Variants in EPB41 observed in about 807,000 individuals in gnomAD.
EPB41 encodes the protein protein 4.1.
In EPB41, 65 loss-of-function variants were observed where a neutral mutation model predicts 108.0. That is an observed-to-expected ratio of 0.60 (90% CI 0.49 to 0.74). EPB41 has a LOEUF of 0.74. Among genes scored for constraint, EPB41 ranks in the 30% least tolerant of loss-of-function variants. The pLI is 0.00. For synonymous variants in EPB41, 336 were observed against 358.9 expected (o/e 0.94, Z 0.72); for missense variants, 875 against 1,037.0 (o/e 0.84, Z 2.15).
chr1:29,101,763 G>A (rs2486197), intron 17 of EPB41, among the ~76,000 whole-genome samples: 144,201 of 152,254 alleles, frequency 0.95, 68,479 homozygotes, highest in Non-Finnish European at 0.99. Context: ...TGAGCCAGGC[G>A]TGGTGGACGC....
chr1:29,011,587 A>G (rs1366967933), intron 4 of EPB41, among the ~76,000 whole-genome samples: 1 of 152,220 alleles, frequency 6.6e-6, no homozygotes, highest in Admixed American at 6.5e-5. Context: ...AGTAGGCACT[A>G]CTACCAATAT....
At chr1:28,998,897 T>C (rs2096241569) in intron 4 of EPB41, among the ~76,000 whole-genome samples, 1 of 152,238 alleles carries the variant, frequency 6.6e-6, no homozygotes, top group Non-Finnish European at 1.5e-5. Context: ...AATCATAACA[T>C]CACTTTCTGC....
chr1:28,904,031 T>C (rs1453495944), intron 1 of EPB41, among the ~76,000 whole-genome samples: 1 of 151,936 alleles, frequency 6.6e-6, no homozygotes, highest in Non-Finnish European at 1.5e-5. Flanking sequence ...TGCACCCGGC[T>C]GATTTTTGTA....
chr1:29,066,102 G>T (rs1488820281), intron 16 of EPB41, among the ~76,000 whole-genome samples: 1 of 151,694 alleles, frequency 6.6e-6, no homozygotes, highest in Non-Finnish European at 1.5e-5. Context: ...TTCTTTTTCT[G>T]TTATTGTCAT....
chr1:29,064,833 T>TGTATATTTATAATCTGAATGCA, intron 15 of EPB41, 149 bp from the exon 16 acceptor site: 1 of 968,292 alleles, frequency 1.0e-6, no homozygotes. Flanking sequence ...TATACCATGT[T>TGTATATTTATAATCTGAATGCA]GTATATTTAT....
chr1:28,891,081 G>A, intron 1 of EPB41: 3 of 770,438 alleles, frequency 3.9e-6, no homozygotes, highest in Non-Finnish European at 4.7e-6. Context: ...TTTCCCCAGA[G>A]GGGCAGCCCC....
chr1:28,996,421 ATACCT>A (rs1448560815), intron 3 of EPB41, among the ~76,000 whole-genome samples: 1 of 152,246 alleles, frequency 6.6e-6, no homozygotes, highest in East Asian at 1.9e-4. Flanking sequence ...GAGTTGAGGC[ATACCT>A]CATTTTCTTT....
chr1:28,977,650 A>G (rs1428198726), intron 1 of EPB41, among the ~76,000 whole-genome samples: 2 of 152,152 alleles, frequency 1.3e-5, no homozygotes, highest in African/African-American at 4.8e-5. Context: ...CCAGAATGAA[A>G]ATAGTGTCAT....
intron 16 of EPB41, among the ~76,000 whole-genome samples, chr1:29,079,889 C>A (rs1367474818): frequency 6.6e-6 from 1 of 151,538 alleles, no homozygotes; most frequent in Non-Finnish European, 1.5e-5. Flanking sequence ...TCCAGCTACT[C>A]GGGAGGCTGA....
chr1:29,020,187 C>G (rs1199096066), intron 7 of EPB41, among the ~76,000 whole-genome samples: 2 of 151,966 alleles, frequency 1.3e-5, no homozygotes, highest in Non-Finnish European at 1.5e-5. Flanking sequence ...TCTGCCTCAG[C>G]CTCCTGAGTA....
rs939328256 is a variant in EPB41, at chr1:28,887,467, A to G, written c.-8+257A>G. The G allele has an allele frequency of 2.0e-6, 2 of 984,972 alleles. No homozygotes were observed. Among genetic ancestry groups the G allele is most frequent in the African/African-American group, 3.5e-5 (2 of 57,208 alleles). The allele number at this position is 984,972 out of a possible 1,614,324, so 61.0% of individuals were successfully genotyped here. A position where few individuals can be genotyped will look rare whatever the true frequency, so the allele number is the denominator to read the frequency against. ...AGGGGGTCCGGGAGCTCGGATCCGG[A>G]GCTAGACACGTCCGGGTCCGGCCGG... On this transcript the variant is annotated intron_variant, in intron 1 of 16. Transcript: ENST00000347529. This position sits in a 1 kb window ranked among gnomAD's most constrained non-coding sequence, Gnocchi z 4.9.
chr1:29,070,727 G>A, intron 16 of EPB41: 1 of 1,211,360 alleles, frequency 8.3e-7, no homozygotes, highest in Non-Finnish European at 1.0e-6. Context: ...CACTATCCTA[G>A]GGGAGCTCTT....
intron 7 of EPB41, among the ~76,000 whole-genome samples, chr1:29,024,246 A>C (rs983058414): frequency 6.6e-6 from 1 of 151,624 alleles, no homozygotes; most frequent in Non-Finnish European, 1.5e-5. Context: ...GAGGCAGGAG[A>C]ATTGCTTGAA....
Position 28,993,319 on chromosome 1 carries a change from T to C in EPB41, c.469-11T>C. 6.2e-7 allele frequency: 1 copy of C among 1,610,606 alleles called. No homozygotes were observed. Among genetic ancestry groups the C allele is most frequent in the Non-Finnish European group, 8.5e-7 (1 of 1,178,480 alleles). ...GTTTATTACTGACTTGGCGATGTCA[T>C]GGATATGTAGCCTGCTCAGGAAGAA... On this transcript the variant is annotated splice_polypyrimidine_tract_variant and intron_variant, in intron 2 of 20. Coordinates refer to ENST00000343067, the MANE Select transcript of EPB41 (RefSeq NM_001376013.1).
Position 29,030,478 on chromosome 1 carries a change from T to G in EPB41, c.1203T>G (p.His401Gln). Reference sequence around the variant, plus strand: ...TGTCTATGTATGGAGTTGATCTTCATAAAGCAAAGGTAATGATAACTTTGC... The same window carrying G: ...TGTCTATGTATGGAGTTGATCTTCAGAAAGCAAAGGTAATGATAACTTTGC... ...KKLSMYGVDL[H>Q]KAKDLEGVDI... The change falls in exon 8 of 21, where the codon CAT (histidine) becomes CAG (glutamine). Residue 401 changes from histidine (H) to glutamine (Q), a missense_variant. Around this residue, in one of 3 missense-constraint regions of EPB41, gnomAD observed 519 missense variants for 627.3 expected, o/e 0.83. Transcript: ENST00000343067. 6.2e-7 allele frequency: 1 copy of G among 1,613,378 alleles called. No homozygotes were observed. The highest frequency in any genetic ancestry group is 8.5e-7 in the Non-Finnish European group (1 of 1,179,320).
intron 10 of EPB41, among the ~76,000 whole-genome samples, chr1:29,037,171 T>C (rs1405130133): frequency 2.0e-5 from 3 of 152,162 alleles, no homozygotes; most frequent in Admixed American, 1.3e-4. Context: ...GGCTCACTGC[T>C]CCTGGGTTCC....
chr1:29,023,998 G>A (rs898834323), intron 7 of EPB41, among the ~76,000 whole-genome samples: 1 of 152,000 alleles, frequency 6.6e-6, no homozygotes, highest in Non-Finnish European at 1.5e-5. Flanking sequence ...AAAGTGATTA[G>A]TACAATGACA....
At chr1:28,890,871 G>A (rs1215756223) in intron 1 of EPB41, 1 of 970,086 alleles carries the variant, frequency 1.0e-6, no homozygotes, top group African/African-American at 1.8e-5. Flanking sequence ...CACCCCACGG[G>A]TACTGAGGTG....
chr1:29,104,481 C>A (rs1413912149), intron 17 of EPB41, among the ~76,000 whole-genome samples: 1 of 152,188 alleles, frequency 6.6e-6, no homozygotes. Flanking sequence ...AGTGGCATGA[C>A]CACAGTTCAC....
Sources: allele counts gnomAD v4.1 joint callset (sites outside exome capture counted in the v4.1 genomes callset), GRCh38; gene constraint gnomAD v4.1.1; regional missense constraint gnomAD v4.1.1; non-coding constraint Gnocchi (gnomAD v3.1); transcripts MANE v1.5; gene names NCBI Gene and HGNC (gene_info 2026-07-23, HGNC 2026-07-21).